The following DENND4C variants were observed in gnomAD, a reference collection of about 807,000 sequenced individuals.
DENND4C encodes DENN domain-containing protein 4C.
DENND4C carries 108 observed loss-of-function variants against 203.0 expected under a neutral mutation model. That is an observed-to-expected ratio of 0.53 (90% confidence interval 0.46 to 0.62). DENND4C has a LOEUF of 0.62. Ranked by LOEUF, DENND4C falls within the 20% of genes least tolerant of loss-of-function variation. The pLI is 0.00. For missense variants in DENND4C, 2,481 were observed against 2,301.2 expected, an observed-to-expected ratio of 1.08 and a Z score of -1.60; for synonymous variants, 871 against 792.4, an observed-to-expected ratio of 1.10 and a Z score of -1.67.
At chr9:19,273,220 G>C (rs1327663594) in intron 1 of DENND4C, among the ~76,000 whole-genome samples, 1 of 151,822 alleles carries the variant, frequency 6.6e-6, no homozygotes, top group African/African-American at 2.4e-5. Context: ...CAAAGTGCTG[G>C]TATTACAGGC....
In DENND4C at chr9:19,341,106, A is replaced by G. The variant is rs1821524449; in HGVS notation, c.2996A>G (p.Gln999Arg). The change falls in exon 21 of 33, where the codon CAA (glutamine) becomes CGA (arginine). Residue 999 changes from glutamine to arginine, a missense_variant. This residue lies in a region of DENND4C where 2,289 missense variants were observed against 2,113.3 expected (regional missense o/e 1.08). Transcript: ENST00000434457. ...GAATTGATAACTAAAACAAAAATGC[A>G]AACAGAAGGTTAAGTACTGATATTT... ...ARELITKTKM[Q>R]TEEVCDASAI... is the part of the protein sequence containing the mutation. 1 of 1,610,762 alleles carries G rather than the reference A, an allele frequency of 6.2e-7. No individual in the cohort carries two copies. The highest frequency in any genetic ancestry group is 8.5e-7 in the Non-Finnish European group (1 of 1,178,744).
chr9:19,300,091 C>T, intron 8 of DENND4C, 96 bp from the exon 9 acceptor site: 3 of 1,236,258 alleles, frequency 2.4e-6, no homozygotes, highest in Non-Finnish European at 3.3e-6. Context: ...GAAATTAACA[C>T]TAGACTCTCA....
intron 24 of DENND4C, 67 bp from the exon 25 acceptor site, chr9:19,352,006 T>C (rs540051993): frequency 1.5e-6 from 2 of 1,306,766 alleles, no homozygotes; most frequent in Admixed American, 1.7e-5. Context: ...CTAAATACTT[T>C]GGCATGCATT....
intron 1 of DENND4C, among the ~76,000 whole-genome samples, chr9:19,248,628 G>C (rs756410920): frequency 2.0e-5 from 3 of 152,114 alleles, no homozygotes; most frequent in Non-Finnish European, 4.4e-5. Context: ...GACCTCAGAT[G>C]ATCTGCCCGC....
intron 9 of DENND4C, among the ~76,000 whole-genome samples, chr9:19,303,642 T>A (rs1469902351): frequency 1.3e-5 from 2 of 152,224 alleles, no homozygotes; most frequent in Non-Finnish European, 2.9e-5. Flanking sequence ...TGCCCAAATA[T>A]TAAGTAAATA....
rs192555997 is a variant in DENND4C, at chr9:19,318,833, C to T, written c.1807+1994C>T. On this transcript the variant is annotated intron_variant, in intron 12 of 32. Transcript: ENST00000434457. ...ATTACCTCTTTAAAGACCCTGTCTC[C>T]AAATAGTTACATTCCGAGGTACTAG... Among the ~76,000 whole-genome samples, 18 of 152,238 alleles carry T rather than the reference C, an allele frequency of 1.2e-4. No individual in the cohort carries two copies. In the East Asian group the frequency reaches 3.5e-3, roughly 29 times the overall value.
At chr9:19,278,878 A>G (rs1350452999) in intron 2 of DENND4C, among the ~76,000 whole-genome samples, 4 of 151,844 alleles carry the variant, frequency 2.6e-5, no homozygotes, top group Non-Finnish European at 5.9e-5. Context: ...CTGCCCCCCC[A>G]GAAGCTTGAC....
In DENND4C at chr9:19,346,029, A is replaced by G. The variant is rs544507784; in HGVS notation, c.3260A>G (p.Lys1087Arg). 1.2e-6 allele frequency: 2 copies of G among 1,614,174 alleles called. No homozygotes were observed. Among genetic ancestry groups the G allele is most frequent in the South Asian group, 2.2e-5 (2 of 91,084 alleles). The change falls in exon 23 of 33, where the codon AAG (lysine) becomes AGG (arginine). Residue 1087 changes from lysine (K) to arginine (R), a missense_variant. Physicochemically the swap from Lys to Arg is conservative, Grantham distance 26. Around this residue, in one of 3 missense-constraint regions of DENND4C, gnomAD observed 2,289 missense variants for 2,113.3 expected, o/e 1.08. Coordinates refer to ENST00000434457, the MANE Select transcript of DENND4C (RefSeq NM_001330640.2). ...GGTGATAGAGGAGAAAAAAGACAAA[A>G]GCATTTTCCTGAGAGGAGTTGTAGT... ...KNGDRGEKRQ[K>R]HFPERSCSFS...
At chr9:19,248,475 C>T (rs34268578) in intron 1 of DENND4C, among the ~76,000 whole-genome samples, 29,775 of 151,956 alleles carry the variant, frequency 0.2, 2,991 homozygotes, top group Admixed American at 0.22. Flanking sequence ...CCGCAACCTC[C>T]GCCTCCTGGG....
intron 10 of DENND4C, among the ~76,000 whole-genome samples, chr9:19,312,419 A>G (rs1472015769): frequency 6.6e-6 from 1 of 152,156 alleles, no homozygotes; most frequent in African/African-American, 2.4e-5. Flanking sequence ...TATTAAATGA[A>G]AAAAATCAAG....
intron 1 of DENND4C, among the ~76,000 whole-genome samples, chr9:19,255,471 T>A (rs1827717810): frequency 6.6e-6 from 1 of 152,144 alleles, no homozygotes; most frequent in Admixed American, 6.6e-5. Context: ...TCACTAATGT[T>A]TACAATCAAC....
chr9:19,346,881 G>A lies in DENND4C; in HGVS notation c.4112G>A (p.Arg1371His), dbSNP rs374706200. The A allele has an allele frequency of 1.7e-5, 27 of 1,614,052 alleles. No homozygotes were observed. The highest frequency in any genetic ancestry group is 4.0e-5 in the African/African-American group (3 of 74,920). Residue 1371 changes from arginine to histidine, a missense_variant, in exon 23 of 33, where the codon CGT becomes CAT. Transcript: ENST00000434457. ...QQTPSRTHKE[R>H]STSLSALVRS... ...ACCCCCTCTCGAACTCATAAAGAACGTTCAACTTCTTTGTCAGCACTGGTG... is the reference window on the plus strand; with the variant it reads ...ACCCCCTCTCGAACTCATAAAGAACATTCAACTTCTTTGTCAGCACTGGTG...
intron 1 of DENND4C, among the ~76,000 whole-genome samples, chr9:19,238,657 G>GC (rs1336512501): frequency 1.7e-5 from 1 of 59,314 alleles, no homozygotes; most frequent in African/African-American, 6.1e-5. Flanking sequence ...CCCTTCCCCT[G>GC]CCCCTTTTTT....
intron 1 of DENND4C, among the ~76,000 whole-genome samples, chr9:19,245,855 C>CAAA (rs60726607): frequency 7.3e-6 from 1 of 137,230 alleles, no homozygotes; most frequent in African/African-American, 2.7e-5. Flanking sequence ...GACTCCGTCT[C>CAAA]AAAAAAAAAA....
intron 1 of DENND4C, among the ~76,000 whole-genome samples, chr9:19,257,691 A>C (rs1268755998): frequency 6.6e-6 from 1 of 152,250 alleles, no homozygotes; most frequent in Non-Finnish European, 1.5e-5. Flanking sequence ...CTGATATCAG[A>C]ATTAGAGAGG....
intron 1 of DENND4C, among the ~76,000 whole-genome samples, chr9:19,239,648 G>A (rs1335699398): frequency 1.3e-5 from 2 of 151,840 alleles, no homozygotes; most frequent in African/African-American, 4.8e-5. Flanking sequence ...CACCATGCCC[G>A]GCTAATTTTT....
chr9:19,350,960 G>C (rs1823982718), intron 24 of DENND4C, 81 bp downstream of exon 24: 5 of 1,417,254 alleles, frequency 3.5e-6, no homozygotes, highest in Non-Finnish European at 4.8e-6. Flanking sequence ...ACGGGGTTTT[G>C]TCTTGTTGCC....
chr9:19,341,429 G>A (rs1479367238), intron 21 of DENND4C, among the ~76,000 whole-genome samples: 2 of 150,558 alleles, frequency 1.3e-5, no homozygotes, highest in Non-Finnish European at 2.9e-5. Context: ...TCCTGCCTCA[G>A]TCCCCTGTCA....
chr9:19,324,544 A>C (rs1203837182), intron 13 of DENND4C, 37 bp downstream of exon 13: 18 of 1,581,348 alleles, frequency 1.1e-5, no homozygotes, highest in Non-Finnish European at 1.5e-5. Flanking sequence ...TTAGAAAAAA[A>C]AGTTTGCCTT....
Sources: allele counts gnomAD v4.1 joint callset (sites outside exome capture counted in the v4.1 genomes callset), GRCh38; gene constraint gnomAD v4.1.1; regional missense constraint gnomAD v4.1.1; transcripts MANE v1.5; gene names NCBI Gene and HGNC (gene_info 2026-07-23, HGNC 2026-07-21).